The following PRICKLE2 variants were observed in gnomAD, a reference collection of about 807,000 sequenced individuals.
PRICKLE2 encodes prickle-like protein 2.
Under a neutral mutation model 81.4 loss-of-function variants are expected in PRICKLE2, and 21 were observed. The observed-to-expected ratio is 0.26, with a 90% CI of 0.18 to 0.37. The LOEUF is 0.37. PRICKLE2 is among the 10% of genes least tolerant of loss of function. The probability of loss-of-function intolerance (pLI) is 1.00; values close to 1 mark genes in which losing one functional copy is unlikely to be tolerated. For missense variants in PRICKLE2, 940 were observed against 1,109.0 expected, an observed-to-expected ratio of 0.85 and a Z score of 2.16; for synonymous variants, 456 against 421.5, an observed-to-expected ratio of 1.08 and a Z score of -1.00.
chr3:64,202,656 G>GTGTGTGTGTC (rs1395547315), intron 1 of PRICKLE2, among the ~76,000 whole-genome samples: 4 of 151,756 alleles, frequency 2.6e-5, no homozygotes, highest in Non-Finnish European at 5.9e-5. Context: ...GTGTGTGTGT[G>GTGTGTGTGTC]TGTGTGTGTG....
chr3:64,236,285 G>T (rs1020077752), intron 2 of PRICKLE2, among the ~76,000 whole-genome samples: 3 of 152,092 alleles, frequency 2.0e-5, no homozygotes, highest in African/African-American at 7.2e-5. Flanking sequence ...CCAGAAAAAT[G>T]CCTGGCACAT....
chr3:64,179,019 C>CTTTCTTTCTTTA (rs1553648496), intron 2 of PRICKLE2, among the ~76,000 whole-genome samples: 1 of 132,238 alleles, frequency 7.6e-6, no homozygotes, highest in African/African-American at 2.9e-5. Context: ...TTCTTTCTTT[C>CTTTCTTTCTTTA]TTTCTTTCTT....
chr3:64,153,169 A>G lies in PRICKLE2; in HGVS notation c.787+13T>C. ...CACAGAAGGACCAAGCTGACTGCCA[A>G]ATATTGCCTCACCTATATGTTGGGC... On this transcript the variant is annotated intron_variant, in intron 6 of 7. Transcript: ENST00000638394. The G allele has an allele frequency of 6.2e-7, 1 of 1,613,934 alleles. No homozygotes were observed. Among genetic ancestry groups the G allele is most frequent in the Non-Finnish European group, 8.5e-7 (1 of 1,179,826 alleles).
rs567896117 is a variant in PRICKLE2, at chr3:64,165,329, G to T, written c.145-2200C>A. Among the ~76,000 whole-genome samples the T allele has an allele frequency of 2.0e-5, 3 of 152,244 alleles. No individual in the cohort carries two copies. The South Asian group carries it at 6.2e-4, about 32-fold the overall frequency. ...GGCATGGCCAGTAGATCTGGACCCC[G>T]AGTCAAGGCTCTGTTGTTTCCCATC... On this transcript the variant is annotated intron_variant, in intron 2 of 7. Coordinates refer to ENST00000638394, the MANE Select transcript of PRICKLE2 (RefSeq NM_198859.4).
intron 2 of PRICKLE2, among the ~76,000 whole-genome samples, chr3:64,175,685 T>C (rs10510913): frequency 0.24 from 35,906 of 152,118 alleles, 4,567 homozygotes; most frequent in African/African-American, 0.29. Flanking sequence ...AGGATATTTA[T>C]TGAATCCAGG....
chr3:64,099,036 C>G lies in PRICKLE2; in HGVS notation c.*15G>C. On this transcript the variant is annotated 3_prime_UTR_variant, in exon 8 of 8. Transcript: ENST00000638394. The surrounding 1 kb of genome is among the most constrained non-coding windows in gnomAD (Gnocchi z 4.3). ...CTTAGCTCCCATCTTCTCCCATTCC[C>G]TGATCCCAATCATATTAAGAAATGA... The G allele has an allele frequency of 6.2e-7, 1 of 1,614,096 alleles. No individual in the cohort carries two copies. Among genetic ancestry groups the G allele is most frequent in the Admixed American group, 1.7e-5 (1 of 60,032 alleles).
intron 2 of PRICKLE2, among the ~76,000 whole-genome samples, chr3:64,243,252 A>G (rs2079295124): frequency 6.6e-6 from 1 of 152,208 alleles, no homozygotes; most frequent in African/African-American, 2.4e-5. Context: ...GCATTTCTCA[A>G]CCTTGACATT....
At chr3:64,151,152 T>G (rs1215340576) in intron 6 of PRICKLE2, among the ~76,000 whole-genome samples, 1 of 152,204 alleles carries the variant, frequency 6.6e-6, no homozygotes, top group Non-Finnish European at 1.5e-5. Context: ...ATATGGAATA[T>G]TTGTACAGTA....
chr3:64,151,927 G>A (rs1430431411), intron 6 of PRICKLE2, among the ~76,000 whole-genome samples: 4 of 152,144 alleles, frequency 2.6e-5, no homozygotes, highest in African/African-American at 9.7e-5. Flanking sequence ...TAAGCCCCCA[G>A]AAGGAAATGC....
intron 5 of PRICKLE2, among the ~76,000 whole-genome samples, chr3:64,155,691 A>G (rs570545230): frequency 6.6e-6 from 1 of 152,376 alleles, no homozygotes; most frequent in East Asian, 1.9e-4. Flanking sequence ...AATATTATTC[A>G]GCCACGAGAA....
At chr3:64,163,438 G>T in intron 2 of PRICKLE2, 1 of 440,580 alleles carries the variant, frequency 2.3e-6, no homozygotes. Flanking sequence ...GGGCTTTCTC[G>T]GCAGACTCCC....
chr3:64,220,627 G>T (rs1022286315), intron 1 of PRICKLE2, among the ~76,000 whole-genome samples: 10 of 152,128 alleles, frequency 6.6e-5, no homozygotes, highest in African/African-American at 2.2e-4. Flanking sequence ...CCCGACTATT[G>T]CTTCCTCCTG....
intron 2 of PRICKLE2, among the ~76,000 whole-genome samples, chr3:64,239,946 C>T (rs573855087): frequency 7.5e-5 from 9 of 119,446 alleles, no homozygotes; most frequent in African/African-American, 3.3e-4. Flanking sequence ...AAAACCCCAT[C>T]GCTACCAAAA....
At chr3:64,141,531 G>C (rs989101528) in intron 7 of PRICKLE2, among the ~76,000 whole-genome samples, 3 of 152,236 alleles carry the variant, frequency 2.0e-5, no homozygotes, top group Non-Finnish European at 4.4e-5. Context: ...CTGCTTTAGA[G>C]GCATGTTTAG....
In PRICKLE2 at chr3:64,265,173, A is replaced by G. The variant is rs982376869; in HGVS notation, c.129-66206T>C. On this transcript the variant is annotated intron_variant, in intron 2 of 8. Transcript: ENST00000295902. Reference sequence around the variant, plus strand: ...AACAAAGCAAAAAGAAAAACAAAAAACAAACAAACAAAAAAAACTGAATGG... The same window carrying G: ...AACAAAGCAAAAAGAAAAACAAAAAGCAAACAAACAAAAAAAACTGAATGG... Among the ~76,000 whole-genome samples, 17 of 152,186 alleles carry G rather than the reference A, an allele frequency of 1.1e-4. 1 individual carries two copies. The highest frequency in any genetic ancestry group is 4.1e-4 in the African/African-American group (17 of 41,456).
At chr3:64,193,819 G>A (rs1251801654) in intron 2 of PRICKLE2, among the ~76,000 whole-genome samples, 3 of 152,136 alleles carry the variant, frequency 2.0e-5, no homozygotes, top group Non-Finnish European at 2.9e-5. Flanking sequence ...GCTTGCTGCC[G>A]TCCATGTAAG....
At chr3:64,194,220 G>A (rs935445479) in intron 2 of PRICKLE2, 3 of 152,244 alleles carry the variant, frequency 2.0e-5, no homozygotes, top group Non-Finnish European at 4.4e-5. Flanking sequence ...TCAGGGATCT[G>A]CTCAAGCAAC....
intron 2 of PRICKLE2, chr3:64,174,611 T>C (rs2107067656): frequency 5.7e-6 from 1 of 175,564 alleles, no homozygotes; most frequent in Non-Finnish European, 1.3e-5. Context: ...GTACAGCCTT[T>C]GTCAATGCAG....
At chr3:64,156,984 C>G (rs180943623) in intron 5 of PRICKLE2, among the ~76,000 whole-genome samples, 178 bp downstream of exon 5, 2 of 152,260 alleles carry the variant, frequency 1.3e-5, no homozygotes, top group East Asian at 3.9e-4. Context: ...TAAAGCAGGC[C>G]GCAACCCCAG....
Sources: gnomAD v4.1 joint callset for allele counts (sites outside exome capture counted in the v4.1 genomes callset) on GRCh38, gnomAD v4.1.1 for gene constraint, Gnocchi (gnomAD v3.1) non-coding constraint, MANE v1.5 for transcripts, NCBI Gene and HGNC (gene_info 2026-07-23, HGNC 2026-07-21) for gene names.